RTN1: variants seen among roughly 807,000 people sequenced by gnomAD.
RTN1 encodes the protein reticulon 1.
RTN1 carries 25 observed loss-of-function variants against 65.5 expected under a neutral mutation model. The observed-to-expected ratio is 0.38, with a 90% CI of 0.28 to 0.53. The LOEUF is 0.53. Ranked by LOEUF, RTN1 falls within the 20% of genes least tolerant of loss-of-function variation. The pLI, the probability that RTN1 is intolerant of heterozygous loss-of-function variation, is 0.79. For synonymous variants in RTN1, 471 were observed against 447.6 expected, an observed-to-expected ratio of 1.05 and a Z score of -0.66; for missense variants, 983 against 1,025.4, an observed-to-expected ratio of 0.96 and a Z score of 0.57.
chr14:59,842,836 C>G (rs1047574759), intron 1 of RTN1, among the ~76,000 whole-genome samples: 10 of 152,144 alleles, frequency 6.6e-5, no homozygotes, highest in Admixed American at 3.9e-4. Flanking sequence ...AGAGTCTGAT[C>G]AGTTCTGGTG....
chr14:59,613,990 T>A (rs1364581720), intron 3 of RTN1, among the ~76,000 whole-genome samples: 1 of 152,120 alleles, frequency 6.6e-6, no homozygotes, highest in Non-Finnish European at 1.5e-5. Flanking sequence ...TGGCTAATAG[T>A]AGTTATGGAG....
rs1417370541 is a variant in RTN1, at chr14:59,749,120, ATATAGATATATC to A, written c.242-2651_242-2640del. Among the ~76,000 whole-genome samples, 10 of 48,204 alleles carry A rather than the reference ATATAGATATATC, an allele frequency of 2.1e-4. 1 individual carries two copies. The highest frequency in any genetic ancestry group is 9.2e-4 in the African/African-American group (7 of 7,602). 31.6% of individuals were successfully genotyped at this position (48,204 alleles called of 152,430 possible). A position where few individuals can be genotyped will look rare whatever the true frequency, so the allele number is the denominator to read the frequency against. ...TATATATCTATATATATATATATATATATAGATATATCTATATCTATCTATCTATCTATCTAT... is the reference window on the plus strand; with the variant it reads ...TATATATCTATATATATATATATATATATATCTATCTATCTATCTATCTAT... On this transcript the variant is annotated intron_variant, in intron 1 of 8. Coordinates refer to ENST00000267484, the MANE Select transcript of RTN1 (RefSeq NM_021136.3).
chr14:59,703,403 G>T (rs1229621459), intron 3 of RTN1, among the ~76,000 whole-genome samples: 1 of 152,068 alleles, frequency 6.6e-6, no homozygotes, highest in Non-Finnish European at 1.5e-5. Flanking sequence ...TTGTTTAAAA[G>T]AGTGTGGCAC....
At position 59,610,445 on chromosome 14, in the gene RTN1, A is replaced by G. The variant is rs185486869; in HGVS notation, c.1766-2953T>C. ...TCTGAAATGTTCAAAGCACTCTCAT[A>G]TGTTATCTCACTGAAATCTCAGAAT... On this transcript the variant is annotated intron_variant, in intron 3 of 8. Coordinates refer to ENST00000267484, the MANE Select transcript of RTN1 (RefSeq NM_021136.3). 1.2e-4 allele frequency among the ~76,000 whole-genome samples: 18 copies of G among 152,312 alleles called. No homozygotes were observed. The South Asian group carries it at 2.9e-3, about 25-fold the overall frequency.
rs138228640 is a variant in RTN1, at chr14:59,671,434, C to T, written c.1765+55485G>A. On this transcript the variant is annotated intron_variant, in intron 3 of 8. Coordinates refer to ENST00000267484, the MANE Select transcript of RTN1 (RefSeq NM_021136.3). The stretch of plus-strand genomic sequence containing the variant: ...AACCAAAGAGCAGAGAAAAACATTC[C>T]ACACTAAAAAGAATGAGTGATACCA... Among the ~76,000 whole-genome samples, 761 of 152,226 alleles carry T rather than the reference C, an allele frequency of 5.0e-3. 10 individuals carry two copies. Among genetic ancestry groups the T allele is most frequent in the African/African-American group, 0.018 (739 of 41,534 alleles).
At chr14:59,656,100 A>G (rs1398290876) in intron 3 of RTN1, among the ~76,000 whole-genome samples, 1 of 152,224 alleles carries the variant, frequency 6.6e-6, no homozygotes, top group Non-Finnish European at 1.5e-5. Flanking sequence ...TGAAAACATT[A>G]TGCTAGGAGA....
chr14:59,701,789 A>G (rs1884184892), intron 3 of RTN1, among the ~76,000 whole-genome samples: 1 of 152,184 alleles, frequency 6.6e-6, no homozygotes, highest in South Asian at 2.1e-4. Flanking sequence ...CTGTGAAGGT[A>G]CTGAATTGTA....
intron 3 of RTN1, among the ~76,000 whole-genome samples, chr14:59,723,380 G>A (rs1330667137): frequency 6.6e-6 from 1 of 151,956 alleles, no homozygotes; most frequent in Non-Finnish European, 1.5e-5. Flanking sequence ...GCCAAGGTGG[G>A]TGGATCACAA....
At chr14:59,841,718 A>C (rs1279556831) in intron 1 of RTN1, among the ~76,000 whole-genome samples, 1 of 79,456 alleles carries the variant, frequency 1.3e-5, no homozygotes, top group African/African-American at 6.5e-5. Flanking sequence ...AAAAAAAACA[A>C]AAAAAAAAAC....
chr14:59,701,969 T>C (rs1222589309), intron 3 of RTN1, among the ~76,000 whole-genome samples: 1 of 152,156 alleles, frequency 6.6e-6, no homozygotes, highest in African/African-American at 2.4e-5. Context: ...TTGGAGTAAA[T>C]GTTCTCTAAG....
chr14:59,780,563 G>A (rs960352848), intron 1 of RTN1, among the ~76,000 whole-genome samples: 1 of 152,184 alleles, frequency 6.6e-6, no homozygotes, highest in Admixed American at 6.5e-5. Context: ...CATTTTAAGT[G>A]AATTAAGAAG....
rs948805796 is a variant in RTN1 at position 59,825,918 on chromosome 14, G to A, written c.241+44472C>T. 3.9e-5 allele frequency among the ~76,000 whole-genome samples: 6 copies of A among 152,312 alleles called. No individual in the cohort carries two copies. The South Asian group carries it at 1.2e-3, about 32-fold the overall frequency. ...GTGAGGAGGGACCTAACAGTTTGTG[G>A]TACCCATTCCCAGTACCCTAGTTCA... is the stretch of plus-strand genomic sequence containing the variant. On this transcript the variant is annotated intron_variant, in intron 1 of 8. Transcript: ENST00000267484. The surrounding 1 kb of genome is among the most constrained non-coding windows in gnomAD (Gnocchi z 4.2).
intron 3 of RTN1, among the ~76,000 whole-genome samples, chr14:59,661,349 T>C (rs530606256): frequency 2.6e-5 from 4 of 151,602 alleles, no homozygotes; most frequent in African/African-American, 9.7e-5. Flanking sequence ...CCATTCCTTC[T>C]GAAACTATTC....
At chr14:59,828,592 A>T (rs1026056518) in intron 1 of RTN1, among the ~76,000 whole-genome samples, 1 of 152,208 alleles carries the variant, frequency 6.6e-6, no homozygotes, top group Admixed American at 6.5e-5. Flanking sequence ...GGGCAGCCCC[A>T]AAACCAGATG....
At chr14:59,765,937 G>C (rs1885840698) in intron 1 of RTN1, among the ~76,000 whole-genome samples, 1 of 152,070 alleles carries the variant, frequency 6.6e-6, no homozygotes, top group Non-Finnish European at 1.5e-5. Flanking sequence ...TGCTTTAAAA[G>C]AAAAAAACTT....
chr14:59,607,906 A>C (rs1363075664), intron 3 of RTN1, among the ~76,000 whole-genome samples: 1 of 143,310 alleles, frequency 7.0e-6, no homozygotes, highest in Non-Finnish European at 1.5e-5. Context: ...GTCTTAAAAA[A>C]AAAAAAAAAG....
At chr14:59,793,523 G>C (rs1334042488) in intron 1 of RTN1, among the ~76,000 whole-genome samples, 1 of 151,922 alleles carries the variant, frequency 6.6e-6, no homozygotes, top group Non-Finnish European at 1.5e-5. Flanking sequence ...TCTAGTAAAA[G>C]ACTAATTACT....
At chr14:59,688,136 C>T (rs1016118744) in intron 3 of RTN1, among the ~76,000 whole-genome samples, 2 of 152,140 alleles carry the variant, frequency 1.3e-5, no homozygotes, top group Non-Finnish European at 2.9e-5. Flanking sequence ...GATGCTCAGG[C>T]AGATCTCCAG....
At chr14:59,657,971 G>T (rs1042937875) in intron 3 of RTN1, among the ~76,000 whole-genome samples, 1 of 152,184 alleles carries the variant, frequency 6.6e-6, no homozygotes, top group Non-Finnish European at 1.5e-5. Context: ...CCCCCAAGGA[G>T]CCCAGCAAGC....
Sources: gnomAD v4.1 joint callset for allele counts (sites outside exome capture counted in the v4.1 genomes callset) on GRCh38, gnomAD v4.1.1 for gene constraint, Gnocchi (gnomAD v3.1) non-coding constraint, MANE v1.5 for transcripts, NCBI Gene and HGNC (gene_info 2026-07-23, HGNC 2026-07-21) for gene names.